Variants in IFT74 observed in about 807,000 individuals in gnomAD.
IFT74 encodes intraflagellar transport 74, also known as intraflagellar transport protein 74 homolog.
In IFT74, 92 loss-of-function variants were observed where a neutral mutation model predicts 96.7. The ratio of observed to expected loss-of-function variants is 0.95; its 90% CI spans 0.80 to 1.13. The LOEUF (loss-of-function observed/expected upper bound fraction) is 1.13. IFT74 is among the 50% of genes most tolerant of loss of function. IFT74 has a pLI of 0.00. For missense variants in IFT74, 811 were observed against 698.2 expected, an observed-to-expected ratio of 1.16 and a Z score of -1.82; for synonymous variants, 223 against 213.2, an observed-to-expected ratio of 1.05 and a Z score of -0.40.
At chr9:27,032,733 G>A (rs184332353) in intron 13 of IFT74, among the ~76,000 whole-genome samples, 169 of 152,208 alleles carry the variant, frequency 1.1e-3, no homozygotes, top group Non-Finnish European at 1.9e-3. Flanking sequence ...AGGCATGGTG[G>A]TGTGTACCTG....
intron 3 of IFT74, among the ~76,000 whole-genome samples, chr9:26,979,747 C>G (rs1204634001): frequency 3.1e-5 from 3 of 98,102 alleles, no homozygotes; most frequent in African/African-American, 4.0e-5. Context: ...GGGTCTTTCT[C>G]TGTCGCCCAG....
At chr9:27,022,589 T>C (rs1320531215) in intron 12 of IFT74, among the ~76,000 whole-genome samples, 2 of 152,128 alleles carry the variant, frequency 1.3e-5, no homozygotes, top group Admixed American at 1.3e-4. Flanking sequence ...GTATTATATT[T>C]TGTTTTATTT....
chr9:26,985,314 G>A (rs545708160), intron 6 of IFT74, among the ~76,000 whole-genome samples: 2 of 152,224 alleles, frequency 1.3e-5, no homozygotes, highest in East Asian at 3.9e-4. Flanking sequence ...TGGAAGGAGG[G>A]AAAGGATCAG....
At chr9:27,026,491 A>G (rs761784418) in intron 12 of IFT74, among the ~76,000 whole-genome samples, 5 of 152,198 alleles carry the variant, frequency 3.3e-5, no homozygotes, top group Non-Finnish European at 5.9e-5. Flanking sequence ...AGATATTTAT[A>G]GAACATTCTA....
intron 2 of IFT74, among the ~76,000 whole-genome samples, chr9:26,962,932 T>TC (rs1587239414): frequency 6.6e-6 from 1 of 151,604 alleles, no homozygotes; most frequent in Non-Finnish European, 1.5e-5. Flanking sequence ...ACTAATTTTT[T>TC]TTTTTTTCTT....
At chr9:27,038,419 C>A (rs190133662) in intron 13 of IFT74, among the ~76,000 whole-genome samples, 20 of 152,202 alleles carry the variant, frequency 1.3e-4, no homozygotes, top group African/African-American at 3.9e-4. Flanking sequence ...CATGCCACCA[C>A]GCCTGGCTAA....
At chr9:27,034,335 G>T (rs375445708) in intron 13 of IFT74, among the ~76,000 whole-genome samples, 239 of 152,196 alleles carry the variant, frequency 1.6e-3, no homozygotes, top group African/African-American at 5.5e-3. Context: ...TGAATTCATT[G>T]TAACTTTCTG....
At chr9:27,020,414 A>G (rs1484464348) in intron 12 of IFT74, among the ~76,000 whole-genome samples, 1 of 150,552 alleles carries the variant, frequency 6.6e-6, no homozygotes, top group East Asian at 1.9e-4. Context: ...GGCTAAGAGA[A>G]TATTTTTTTC....
At position 27,066,066 on chromosome 9, in the gene IFT74, C is replaced by T. The variant is rs1452186257; in HGVS notation, c.*3330C>T. Reference sequence around the variant, plus strand: ...TAGATACGCATCTATATTTATGTCACACATATCTGTTTTATTTATGTATTT... The same window carrying T: ...TAGATACGCATCTATATTTATGTCATACATATCTGTTTTATTTATGTATTT... On this transcript the variant is annotated 3_prime_UTR_variant, in exon 20 of 20. Transcript: ENST00000380062. 2.0e-5 allele frequency among the ~76,000 whole-genome samples: 3 copies of T among 152,128 alleles called. No homozygotes were observed. Among genetic ancestry groups the T allele is most frequent in the Non-Finnish European group, 4.4e-5 (3 of 68,026 alleles).
chr9:26,956,919 G>C (rs552585804), intron 1 of IFT74, among the ~76,000 whole-genome samples: 1 of 152,244 alleles, frequency 6.6e-6, no homozygotes. Context: ...GGAGGATAAC[G>C]ATAGTAATAA....
At chr9:26,969,830 T>G (rs1356859508) in intron 2 of IFT74, among the ~76,000 whole-genome samples, 1 of 152,162 alleles carries the variant, frequency 6.6e-6, no homozygotes, top group Non-Finnish European at 1.5e-5. Flanking sequence ...TTTGAACATT[T>G]ACTTTAGGAA....
chr9:27,010,859 C>T (rs1829034871), intron 9 of IFT74, among the ~76,000 whole-genome samples: 1 of 152,114 alleles, frequency 6.6e-6, no homozygotes. Flanking sequence ...ATTGAGAATC[C>T]TCTCAATACT....
At chr9:26,997,890 T>G in intron 8 of IFT74, 1 of 1,614,194 alleles carries the variant, frequency 6.2e-7, no homozygotes, top group Non-Finnish European at 8.5e-7. Flanking sequence ...TTTAGGCTTC[T>G]TAGAGGCACA....
chr9:27,057,085 G>A (rs1165722225), intron 18 of IFT74, among the ~76,000 whole-genome samples: 1 of 152,034 alleles, frequency 6.6e-6, no homozygotes, highest in Non-Finnish European at 1.5e-5. Flanking sequence ...ATAGCTTAAT[G>A]ATATTCTAGT....
intron 1 of IFT74, among the ~76,000 whole-genome samples, chr9:26,961,101 T>G (rs1299728439): frequency 5.4e-5 from 8 of 148,988 alleles, no homozygotes; most frequent in Admixed American, 2.0e-4. Flanking sequence ...TTTTTTTTTT[T>G]GGGTGGGGGG....
chr9:27,007,073 G>A (rs997205153), intron 8 of IFT74, among the ~76,000 whole-genome samples: 5 of 151,790 alleles, frequency 3.3e-5, no homozygotes, highest in South Asian at 2.1e-4. Context: ...TCCTGACCTC[G>A]TGATCTGCCC....
chr9:27,029,317 T>A (rs1162458953), intron 13 of IFT74, among the ~76,000 whole-genome samples: 2 of 152,164 alleles, frequency 1.3e-5, no homozygotes, highest in African/African-American at 2.4e-5. Flanking sequence ...TGCATAAAAT[T>A]TATTTAGCTT....
chr9:27,016,865 A>G (rs1829366020), intron 10 of IFT74, 42 bp from the exon 11 acceptor site: 3 of 1,488,832 alleles, frequency 2.0e-6, no homozygotes, highest in South Asian at 2.5e-5. Context: ...ATAATTATTG[A>G]TAAAATACTA....
At chr9:27,022,518 G>A (rs1480019902) in intron 12 of IFT74, among the ~76,000 whole-genome samples, 7 of 152,108 alleles carry the variant, frequency 4.6e-5, no homozygotes, top group South Asian at 2.1e-4. Context: ...GCAGTGTTTT[G>A]TAGTTTTCCT....
Sources: allele counts gnomAD v4.1 joint callset (sites outside exome capture counted in the v4.1 genomes callset), GRCh38; gene constraint gnomAD v4.1.1; transcripts MANE v1.5; gene names NCBI Gene and HGNC (gene_info 2026-07-23, HGNC 2026-07-21).